The following C8A variants were observed in gnomAD, a reference collection of about 807,000 sequenced individuals.
C8A encodes the protein complement component C8 alpha chain.
In C8A, 67 loss-of-function variants were observed where a neutral mutation model predicts 65.3. The observed-to-expected ratio is 1.03, with a 90% CI of 0.84 to 1.26. The LOEUF (loss-of-function observed/expected upper bound fraction) is 1.26. Among genes scored for constraint, C8A ranks in the 50% most tolerant of loss-of-function variants. The pLI is 0.00. For synonymous variants in C8A, 290 were observed against 259.4 expected (o/e 1.12, Z -1.13); for missense variants, 781 against 723.9 (o/e 1.08, Z -0.90).
At chr1:56,903,949 C>T (rs1032564178) in intron 7 of C8A, among the ~76,000 whole-genome samples, 1 of 152,168 alleles carries the variant, frequency 6.6e-6, no homozygotes, top group Non-Finnish European at 1.5e-5. Flanking sequence ...AAATAAACTG[C>T]AGTTTGACCT....
intron 1 of C8A, among the ~76,000 whole-genome samples, chr1:56,859,945 C>T (rs1644014750): frequency 6.6e-6 from 1 of 152,140 alleles, no homozygotes; most frequent in South Asian, 2.1e-4. Context: ...TGCCTGTAGT[C>T]CCAGCTGCTC....
chr1:56,888,995 G>A (rs964494194), intron 7 of C8A, among the ~76,000 whole-genome samples: 1 of 152,046 alleles, frequency 6.6e-6, no homozygotes, highest in Non-Finnish European at 1.5e-5. Context: ...CCCGTCTTTG[G>A]GGCTGGATTA....
chr1:56,899,389 G>A (rs1005265680), intron 7 of C8A, among the ~76,000 whole-genome samples: 1 of 152,114 alleles, frequency 6.6e-6, no homozygotes, highest in African/African-American at 2.4e-5. Flanking sequence ...TCCCAGTTCT[G>A]TTATTTACTT....
Position 56,917,701 on chromosome 1 carries a change from G to A in C8A, c.1740G>A (p.Gln580=). Residue 580 remains glutamine, a synonymous_variant, in exon 11 of 11, where the codon CAG becomes CAA. Coordinates refer to ENST00000361249, the MANE Select transcript of C8A (RefSeq NM_000562.3). ...CCTCGTGTCCAGGGCGGAAAGTACA[G>A]ACGCAGGCTTGCTGAGGGCCTCTGG... ...GGASCPGRKV[Q]TQAC is the part of the protein sequence containing the mutation. The A allele has an allele frequency of 6.2e-7, 1 of 1,614,168 alleles. No homozygotes were observed. The highest frequency in any genetic ancestry group is 8.5e-7 in the Non-Finnish European group (1 of 1,180,042).
In C8A at chr1:56,866,149, G is replaced by A. The variant is rs557977709; in HGVS notation, c.78-1460G>A. Among the ~76,000 whole-genome samples, 10 of 152,294 alleles carry A rather than the reference G, an allele frequency of 6.6e-5. No homozygotes were observed. The South Asian group carries it at 1.5e-3, about 22-fold the overall frequency. ...CCCCGTTTCAACTACATAACCATGT[G>A]AGGCTGACTTTTCTTCATAGATTTC... On this transcript the variant is annotated intron_variant, in intron 1 of 10. Coordinates refer to ENST00000361249, the MANE Select transcript of C8A (RefSeq NM_000562.3).
At chr1:56,864,852 T>A (rs1383088966) in intron 1 of C8A, among the ~76,000 whole-genome samples, 1 of 152,160 alleles carries the variant, frequency 6.6e-6, no homozygotes, top group Admixed American at 6.5e-5. Flanking sequence ...AACTGTAATT[T>A]CAAAACAGTT....
rs1157968626 is a variant in C8A at position 56,912,632 on chromosome 1, T to C, written c.1603+7T>C. On this transcript the variant is annotated splice_region_variant and intron_variant, in intron 10 of 10. Coordinates refer to ENST00000361249, the MANE Select transcript of C8A (RefSeq NM_000562.3). ...GAGCAAACACAGACAGAAGGTAAGG[T>C]CCGTGCATCCCCACCCAGTTCCAGC... is the stretch of plus-strand genomic sequence containing the variant. The C allele has an allele frequency of 1.2e-6, 2 of 1,612,796 alleles. No homozygotes were observed. Among genetic ancestry groups the C allele is most frequent in the African/African-American group, 2.7e-5 (2 of 74,844 alleles).
chr1:56,889,036 C>T (rs1644323813), intron 7 of C8A, among the ~76,000 whole-genome samples: 2 of 151,994 alleles, frequency 1.3e-5, no homozygotes, highest in Non-Finnish European at 2.9e-5. Context: ...TCTGGTGGCC[C>T]CTCCTCTTTA....
At chr1:56,894,633 A>G (rs548970564) in intron 7 of C8A, among the ~76,000 whole-genome samples, 140 of 152,234 alleles carry the variant, frequency 9.2e-4, no homozygotes, top group Non-Finnish European at 1.5e-3. Flanking sequence ...TTAAAACCTC[A>G]CCAAAGTTAA....
chr1:56,888,835 A>G (rs1444396927), intron 7 of C8A, among the ~76,000 whole-genome samples: 1 of 152,162 alleles, frequency 6.6e-6, no homozygotes, highest in Admixed American at 6.6e-5. Context: ...CACCATTTAG[A>G]GATCGGTGTT....
intron 3 of C8A, 25 bp downstream of exon 3, chr1:56,875,118 C>G (rs1165737210): frequency 1.2e-6 from 2 of 1,611,364 alleles, no homozygotes; most frequent in Non-Finnish European, 1.7e-6. Context: ...AGCAGAATAA[C>G]AGCTGTGCCT....
In C8A at chr1:56,906,671, T is replaced by G. The variant is rs1290865850; in HGVS notation, c.1101T>G (p.Ile367Met). Residue 367 changes from isoleucine (I) to methionine (M), a missense_variant, in exon 8 of 11, where the codon ATT becomes ATG. Ile to Met is a conservative substitution (Grantham distance 10). Coordinates refer to ENST00000361249, the MANE Select transcript of C8A (RefSeq NM_000562.3). ...IDKAKMESLG[I>M]TSRDITTCFG... is the part of the protein sequence containing the mutation. ...TTCTCTGTCTCCCTGTTGCAGGTATTACCAGCAGAGATATCACGACATGTT... is the reference window on the plus strand; with the variant it reads ...TTCTCTGTCTCCCTGTTGCAGGTATGACCAGCAGAGATATCACGACATGTT... The G allele has an allele frequency of 6.2e-7, 1 of 1,614,078 alleles. No individual in the cohort carries two copies. Among genetic ancestry groups the G allele is most frequent in the South Asian group, 1.1e-5 (1 of 91,076 alleles).
In C8A at chr1:56,886,299, A is replaced by G. The variant is rs982720742; in HGVS notation, c.1096+132A>G. ...TTTTAGGACAACTCTATAGGATAGCATAAGTATTATTACTCCCAAGGAACT... is the reference window on the plus strand; with the variant it reads ...TTTTAGGACAACTCTATAGGATAGCGTAAGTATTATTACTCCCAAGGAACT... On this transcript the variant is annotated intron_variant, in intron 7 of 10. Transcript: ENST00000361249. The G allele has an allele frequency of 2.5e-5, 26 of 1,029,538 alleles. No homozygotes were observed. In the African/African-American group the frequency reaches 3.5e-4, roughly 14 times the overall value. The allele number at this position is 1,029,538 out of a possible 1,614,324, so 63.8% of individuals were successfully genotyped here.
intron 7 of C8A, among the ~76,000 whole-genome samples, chr1:56,886,518 C>A (rs1644301482): frequency 2.0e-5 from 3 of 152,110 alleles, no homozygotes. Context: ...ATGGAACTAC[C>A]ACACAGTCAG....
rs1157409622 is a variant in C8A at position 56,876,128 on chromosome 1, A to T, written c.383A>T (p.Asp128Val). 1 of 1,613,878 alleles carries T rather than the reference A, an allele frequency of 6.2e-7. No homozygotes were observed. Among genetic ancestry groups the T allele is most frequent in the African/African-American group, 1.3e-5 (1 of 75,000 alleles). The change falls in exon 4 of 11, where the codon GAC (aspartate) becomes GTC (valine). Residue 128 changes from aspartate (D) to valine (V), a missense_variant. By Grantham distance (152) the Asp-to-Val change is radical. Coordinates refer to ENST00000361249, the MANE Select transcript of C8A (RefSeq NM_000562.3). Reference sequence around the variant, plus strand: ...GACTGCCTTGATGGCTCTGATGAGGACGACTGTGAAGATGTCAGGGCCATT... The same window carrying T: ...GACTGCCTTGATGGCTCTGATGAGGTCGACTGTGAAGATGTCAGGGCCATT... Reference protein sequence around the residue: ...DQDCLDGSDEDDCEDVRAIDE... With the variant: ...DQDCLDGSDEVDCEDVRAIDE...
intron 4 of C8A, among the ~76,000 whole-genome samples, chr1:56,879,174 T>A (rs1052616436): frequency 6.6e-6 from 1 of 152,160 alleles, no homozygotes; most frequent in Non-Finnish European, 1.5e-5. Flanking sequence ...TCTGGCTCTT[T>A]ATTAAAAAAA....
At chr1:56,886,268 T>C in intron 7 of C8A, 101 bp downstream of exon 7, 2 of 1,391,914 alleles carry the variant, frequency 1.4e-6, no homozygotes, top group Non-Finnish European at 1.0e-6. Flanking sequence ...GGTGATCTCA[T>C]TTAGTTTTTA....
chr1:56,874,040 A>G (rs1644173512), intron 2 of C8A, among the ~76,000 whole-genome samples: 1 of 152,200 alleles, frequency 6.6e-6, no homozygotes, highest in African/African-American at 2.4e-5. Flanking sequence ...AGGTGGACCC[A>G]GGGACTCAGA....
Position 56,906,787 on chromosome 1 carries a change from A to T in C8A, c.1217A>T (p.Lys406Ile), listed in dbSNP as rs1644469874. 1.2e-5 allele frequency: 20 copies of T among 1,613,990 alleles called. No homozygotes were observed. Among genetic ancestry groups the T allele is most frequent in the Non-Finnish European group, 1.7e-5 (20 of 1,179,982 alleles). The part of the protein sequence containing the change: ...GDHCKKFGGG[K>I]TERARKAMAV... ...CATTGTAAAAAATTTGGAGGTGGCA[A>T]AACTGGCAAGTGTTTAGTAATAGAT... Residue 406 changes from lysine to isoleucine, a missense_variant, in exon 8 of 11, where the codon AAA (lysine) becomes ATA (isoleucine). Lys to Ile is a moderately radical substitution (Grantham distance 102). Coordinates refer to ENST00000361249, the MANE Select transcript of C8A (RefSeq NM_000562.3).
Sources: allele counts gnomAD v4.1 joint callset (sites outside exome capture counted in the v4.1 genomes callset), GRCh38; gene constraint gnomAD v4.1.1; transcripts MANE v1.5; gene names NCBI Gene and HGNC (gene_info 2026-07-23, HGNC 2026-07-21).